Variants in TFDP1 observed in about 807,000 individuals in gnomAD.
TFDP1 encodes transcription factor Dp-1.
TFDP1 carries 6 observed loss-of-function variants against 48.0 expected under a neutral mutation model. The ratio of observed to expected loss-of-function variants is 0.13; its 90% CI spans 0.07 to 0.25. The LOEUF is 0.25. Among genes scored for constraint, TFDP1 ranks in the 10% least tolerant of loss-of-function variants. The pLI is 1.00. For missense variants in TFDP1, 335 were observed against 543.0 expected, an observed-to-expected ratio of 0.62 and a Z score of 3.81; for synonymous variants, 201 against 211.6, an observed-to-expected ratio of 0.95 and a Z score of 0.44.
rs894380823 is a variant in TFDP1, at chr13:113,598,128, G to A, written c.12+12279G>A. On this transcript the variant is annotated intron_variant, in intron 2 of 11. Coordinates refer to ENST00000375370, the MANE Select transcript of TFDP1 (RefSeq NM_007111.5). This position sits in a 1 kb window ranked among gnomAD's most constrained non-coding sequence, Gnocchi z 4.2. ...TGTTGGGAGCCACTTGCTGGTGCCT[G>A]GCCAAGTTCCCGTCTGGTCCCTCTA... Among the ~76,000 whole-genome samples, 2 of 152,096 alleles carry A rather than the reference G, an allele frequency of 1.3e-5. No individual in the cohort carries two copies. Among genetic ancestry groups the A allele is most frequent in the Admixed American group, 1.3e-4 (2 of 15,280 alleles).
chr13:113,621,780 G>T (rs1478249546), intron 3 of TFDP1, among the ~76,000 whole-genome samples: 1 of 152,222 alleles, frequency 6.6e-6, no homozygotes, highest in Admixed American at 6.5e-5. Flanking sequence ...CTACTTAGCA[G>T]ACCGGGAAAG....
chr13:113,616,616 C>T (rs575787912), intron 3 of TFDP1, among the ~76,000 whole-genome samples: 1 of 152,316 alleles, frequency 6.6e-6, no homozygotes, highest in East Asian at 1.9e-4. Context: ...TTACTTTCCT[C>T]CTGCTTCAAT....
At chr13:113,603,772 A>T (rs974296234) in intron 2 of TFDP1, among the ~76,000 whole-genome samples, 5 of 152,186 alleles carry the variant, frequency 3.3e-5, no homozygotes, top group African/African-American at 1.2e-4. Context: ...CTGTTGGCTT[A>T]TATGTTAATG....
At chr13:113,587,560 C>T (rs548445199) in intron 2 of TFDP1, among the ~76,000 whole-genome samples, 1 of 148,832 alleles carries the variant, frequency 6.7e-6, no homozygotes, top group Admixed American at 6.7e-5. Context: ...TCTTGGCTCA[C>T]TGCAACCTCT....
In TFDP1 at chr13:113,593,714, G is replaced by A. The variant is rs1408485042; in HGVS notation, c.12+7865G>A. On this transcript the variant is annotated intron_variant, in intron 2 of 11. Coordinates refer to ENST00000375370, the MANE Select transcript of TFDP1 (RefSeq NM_007111.5). ...CAGGTGACAGGTGTGGTGTACGTGG[G>A]TCCTCAGCCCTGCCCAGGTGATAGG... is the stretch of plus-strand genomic sequence containing the variant. Among the ~76,000 whole-genome samples the A allele has an allele frequency of 3.7e-5, 5 of 134,500 alleles. No homozygotes were observed. In the South Asian group the frequency reaches 9.8e-4, roughly 26 times the overall value. The allele number at this position is 134,500 out of a possible 152,430, so 88.2% of individuals were successfully genotyped here.
At chr13:113,617,370 G>A (rs1357164840) in intron 3 of TFDP1, among the ~76,000 whole-genome samples, 1 of 152,176 alleles carries the variant, frequency 6.6e-6, no homozygotes, top group Non-Finnish European at 1.5e-5. Flanking sequence ...ATTCTGTTGT[G>A]GCCAGTCAAG....
At chr13:113,639,000 C>A (rs890229459) in intron 11 of TFDP1, among the ~76,000 whole-genome samples, 1 of 152,124 alleles carries the variant, frequency 6.6e-6, no homozygotes, top group African/African-American at 2.4e-5. Flanking sequence ...GTGTCGGGCA[C>A]GTGTAGCTTC....
intron 2 of TFDP1, among the ~76,000 whole-genome samples, chr13:113,600,728 TGA>T (rs1375415685): frequency 7.5e-6 from 1 of 133,414 alleles, no homozygotes; most frequent in Non-Finnish European, 1.6e-5. Flanking sequence ...TCCAGGACCA[TGA>T]GAGAGAACCC....
chr13:113,626,071 GTC>G (rs2049168852), intron 4 of TFDP1, among the ~76,000 whole-genome samples: 2 of 146,370 alleles, frequency 1.4e-5, no homozygotes, highest in Admixed American at 6.8e-5. Flanking sequence ...GTCCTCAGGT[GTC>G]TCTCACGTGT....
At chr13:113,595,115 T>C (rs925238486) in intron 2 of TFDP1, among the ~76,000 whole-genome samples, 10 of 152,216 alleles carry the variant, frequency 6.6e-5, no homozygotes, top group African/African-American at 2.2e-4. Context: ...TTTTGGTACG[T>C]TGGGGAGTCG....
At chr13:113,614,271 T>G (rs2048801317) in intron 3 of TFDP1, among the ~76,000 whole-genome samples, 1 of 151,792 alleles carries the variant, frequency 6.6e-6, no homozygotes, top group African/African-American at 2.4e-5. Context: ...TGTGTGTGAG[T>G]TGTGTGTGTG....
intron 8 of TFDP1, among the ~76,000 whole-genome samples, chr13:113,635,170 G>C (rs2049451670): frequency 6.6e-6 from 1 of 152,204 alleles, no homozygotes; most frequent in African/African-American, 2.4e-5. Context: ...TGCTGAGGGT[G>C]GGCGGCACCA....
chr13:113,638,212 AG>A (rs1429995702), intron 11 of TFDP1, among the ~76,000 whole-genome samples: 2 of 152,190 alleles, frequency 1.3e-5, no homozygotes, highest in African/African-American at 4.8e-5. Context: ...AAGTATTTCC[AG>A]GTTTTTTTTC....
chr13:113,637,866 C>G lies in TFDP1; in HGVS notation c.1055C>G (p.Ser352Cys). The change falls in exon 11 of 12, where the codon TCC becomes TGC. Residue 352 changes from serine (S) to cysteine (C), a missense_variant. Physicochemically the swap from Ser to Cys is moderately radical, Grantham distance 112. Around this residue, in one of 3 missense-constraint regions of TFDP1, gnomAD observed 204 missense variants for 287.1 expected, o/e 0.71. Transcript: ENST00000375370. ...GGCGTGTTCATCACGACGGCAGGTTCCACGTCTAACGGCACAAGGTTCTCT... is the reference window on the plus strand; with the variant it reads ...GGCGTGTTCATCACGACGGCAGGTTGCACGTCTAACGGCACAAGGTTCTCT... ...VGGVFITTAG[S>C]TSNGTRFSAS... The G allele has an allele frequency of 1.2e-6, 2 of 1,614,032 alleles. No individual in the cohort carries two copies. Among genetic ancestry groups the G allele is most frequent in the South Asian group, 2.2e-5 (2 of 91,080 alleles).
chr13:113,595,644 A>G (rs1426153988), intron 2 of TFDP1, among the ~76,000 whole-genome samples: 2 of 152,200 alleles, frequency 1.3e-5, no homozygotes, highest in Admixed American at 6.5e-5. Flanking sequence ...GAGTCTTAGG[A>G]TGAATTCCTG....
intron 2 of TFDP1, among the ~76,000 whole-genome samples, chr13:113,590,913 G>T (rs1379935405): frequency 6.8e-6 from 1 of 146,346 alleles, no homozygotes; most frequent in African/African-American, 2.5e-5. Flanking sequence ...GGGAGGCTGA[G>T]TTAGGAGAAT....
At chr13:113,592,204 G>A (rs1043228124) in intron 2 of TFDP1, among the ~76,000 whole-genome samples, 1 of 152,224 alleles carries the variant, frequency 6.6e-6, no homozygotes, top group African/African-American at 2.4e-5. Flanking sequence ...TGCCCAGGCT[G>A]GAGTGCAATG....
chr13:113,640,688 G>T lies in TFDP1; in HGVS notation c.*421G>T. On this transcript the variant is annotated 3_prime_UTR_variant, in exon 12 of 12. Coordinates refer to ENST00000375370, the MANE Select transcript of TFDP1 (RefSeq NM_007111.5). ...GTGAGTTTGGACGGCACCCCTGCTG[G>T]CGGATAGCAAGACTCTGTGGAGTTT... 2 of 250,738 alleles carry T rather than the reference G, an allele frequency of 8.0e-6. No homozygotes were observed. Among genetic ancestry groups the T allele is most frequent in the South Asian group, 8.1e-5 (2 of 24,550 alleles). The allele number at this position is 250,738 out of a possible 1,614,324, so 15.5% of individuals were successfully genotyped here.
At chr13:113,605,398 T>TA (rs772969506) in intron 2 of TFDP1, among the ~76,000 whole-genome samples, 8 of 152,210 alleles carry the variant, frequency 5.3e-5, no homozygotes, top group Non-Finnish European at 8.8e-5. Context: ...GAAAACTCTT[T>TA]AACTGCTGTA....
Sources: gnomAD v4.1 joint callset for allele counts (sites outside exome capture counted in the v4.1 genomes callset) on GRCh38, gnomAD v4.1.1 for gene constraint, gnomAD v4.1.1 regional missense constraint, Gnocchi (gnomAD v3.1) non-coding constraint, MANE v1.5 for transcripts, NCBI Gene and HGNC (gene_info 2026-07-23, HGNC 2026-07-21) for gene names.